MSI2: variants seen among roughly 807,000 people sequenced by gnomAD.
MSI2 encodes RNA-binding protein Musashi homolog 2.
MSI2 carries 17 observed loss-of-function variants against 45.6 expected under a neutral mutation model. That is an observed-to-expected ratio of 0.37 (90% CI 0.26 to 0.56). MSI2 has a LOEUF of 0.56. MSI2 is among the 20% of genes least tolerant of loss of function. The probability of loss-of-function intolerance (pLI) is 0.77; values close to 1 mark genes in which losing one functional copy is unlikely to be tolerated. For synonymous variants in MSI2, 156 were observed against 158.2 expected, an observed-to-expected ratio of 0.99 and a Z score of 0.11; for missense variants, 293 against 444.2, an observed-to-expected ratio of 0.66 and a Z score of 3.06.
rs1913279309 is a variant in MSI2 at position 57,677,016 on chromosome 17, T to C, written c.975T>C (p.Asn325=). 3 of 1,613,948 alleles carry C rather than the reference T, an allele frequency of 1.9e-6. No homozygotes were observed. The highest frequency in any genetic ancestry group is 2.5e-6 in the Non-Finnish European group (3 of 1,179,798). The stretch of plus-strand genomic sequence containing the variant: ...CTTTGATTGCAACGGCCTTTACAAA[T>C]GGATACCATTGAGCAGGTGCTTTCG... ...AGPLIATAFT[N]GYH Residue 325 remains asparagine, a synonymous_variant, in exon 13 of 14, where the codon AAT becomes AAC. Transcript: ENST00000284073.
At chr17:57,300,091 C>T (rs1422328472) in intron 5 of MSI2, among the ~76,000 whole-genome samples, 1 of 152,216 alleles carries the variant, frequency 6.6e-6, no homozygotes, top group Non-Finnish European at 1.5e-5. Context: ...ACATACCCTT[C>T]TGAAACTGGT....
At chr17:57,377,450 G>T (rs2083519267) in intron 5 of MSI2, among the ~76,000 whole-genome samples, 1 of 152,196 alleles carries the variant, frequency 6.6e-6, no homozygotes, top group South Asian at 2.1e-4. Flanking sequence ...GGAATTTGGG[G>T]CTCTGCCCAG....
At chr17:57,276,672 C>T (rs546170525) in intron 5 of MSI2, among the ~76,000 whole-genome samples, 9 of 152,316 alleles carry the variant, frequency 5.9e-5, no homozygotes, top group East Asian at 5.8e-4. Context: ...GGCGTGCTGC[C>T]GCTGCTGTTT....
intron 9 of MSI2, among the ~76,000 whole-genome samples, chr17:57,619,631 G>A (rs1026226267): frequency 6.6e-6 from 1 of 152,188 alleles, no homozygotes; most frequent in Non-Finnish European, 1.5e-5. Flanking sequence ...GCAGGCCCAG[G>A]GGCTCCAGGG....
chr17:57,605,471 GC>G (rs1187131573), intron 8 of MSI2, among the ~76,000 whole-genome samples: 1 of 152,222 alleles, frequency 6.6e-6, no homozygotes, highest in African/African-American at 2.4e-5. Context: ...AGCACCCAGT[GC>G]CTCTGGGCTT....
intron 6 of MSI2, among the ~76,000 whole-genome samples, chr17:57,492,340 A>C (rs982197775): frequency 6.6e-6 from 1 of 152,238 alleles, no homozygotes; most frequent in African/African-American, 2.4e-5. Flanking sequence ...TGGCATTACT[A>C]TATTGGTATG....
intron 7 of MSI2, among the ~76,000 whole-genome samples, chr17:57,579,014 C>T (rs1025364270): frequency 1.3e-5 from 2 of 152,066 alleles, no homozygotes; most frequent in Non-Finnish European, 2.9e-5. Context: ...GCTCAGATGC[C>T]TCATTGTGAG....
intron 6 of MSI2, among the ~76,000 whole-genome samples, chr17:57,420,683 A>G (rs1419198174): frequency 6.6e-6 from 1 of 152,314 alleles, no homozygotes; most frequent in East Asian, 1.9e-4. Flanking sequence ...GGCAAGCTCC[A>G]ACCACCCTCT....
At chr17:57,598,971 CT>C (rs1905552842) in intron 8 of MSI2, among the ~76,000 whole-genome samples, 1 of 152,168 alleles carries the variant, frequency 6.6e-6, no homozygotes, top group Non-Finnish European at 1.5e-5. Flanking sequence ...CCAGTACTAG[CT>C]ATTTTTAAAA....
chr17:57,615,866 G>A, intron 8 of MSI2, 104 bp from the exon 9 acceptor site: 1 of 851,068 alleles, frequency 1.2e-6, no homozygotes, highest in Non-Finnish European at 1.9e-6. Context: ...CAGTGGGTAA[G>A]GAGCAAGGCT....
intron 6 of MSI2, among the ~76,000 whole-genome samples, chr17:57,492,007 G>A (rs573761242): frequency 1.1e-4 from 16 of 152,266 alleles, no homozygotes; most frequent in Non-Finnish European, 1.8e-4. Flanking sequence ...AATCAGTTGC[G>A]ATTAAAGCTT....
intron 7 of MSI2, among the ~76,000 whole-genome samples, chr17:57,574,882 G>C (rs1801270834): frequency 6.8e-6 from 1 of 147,452 alleles, no homozygotes. Context: ...CCAGGCTGGA[G>C]TGCAGTGGCA....
intron 5 of MSI2, chr17:57,265,380 C>A (rs137985663): frequency 6.6e-6 from 1 of 152,080 alleles, no homozygotes; most frequent in Non-Finnish European, 1.5e-5. Flanking sequence ...TCCTTGCTAA[C>A]GCTCGCCAGA....
In MSI2 at chr17:57,280,419, G is replaced by C. The variant is rs1909316976; in HGVS notation, c.312+18227G>C. 1.3e-5 allele frequency among the ~76,000 whole-genome samples: 2 copies of C among 152,208 alleles called. No homozygotes were observed. On this transcript the variant is annotated intron_variant, in intron 5 of 13. Coordinates refer to ENST00000284073, the MANE Select transcript of MSI2 (RefSeq NM_138962.4). The surrounding 1 kb of genome is among the most constrained non-coding windows in gnomAD (Gnocchi z 4.2). ...AGGATGGCTGCTTAGCTGAGTTCTTGGAGGTAGTGATGGAGACCAGTGGAT... is the reference window on the plus strand; with the variant it reads ...AGGATGGCTGCTTAGCTGAGTTCTTCGAGGTAGTGATGGAGACCAGTGGAT...
chr17:57,666,445 T>G (rs1021530820), intron 11 of MSI2, among the ~76,000 whole-genome samples: 5 of 152,244 alleles, frequency 3.3e-5, no homozygotes, highest in Non-Finnish European at 7.3e-5. Context: ...GCCTCACACC[T>G]GCAGAAGCTA....
intron 6 of MSI2, among the ~76,000 whole-genome samples, chr17:57,505,101 A>C (rs1353322188): frequency 6.6e-6 from 1 of 151,840 alleles, no homozygotes; most frequent in Non-Finnish European, 1.5e-5. Flanking sequence ...AGTCTGGGGG[A>C]AGGTGTGTTT....
At chr17:57,555,538 C>A (rs1043134138) in intron 7 of MSI2, among the ~76,000 whole-genome samples, 13 of 152,260 alleles carry the variant, frequency 8.5e-5, no homozygotes, top group African/African-American at 3.1e-4. Context: ...ACATATTAAC[C>A]CCTACCCACC....
chr17:57,615,248 C>T (rs1907572511), intron 8 of MSI2, among the ~76,000 whole-genome samples: 1 of 151,878 alleles, frequency 6.6e-6, no homozygotes, highest in Non-Finnish European at 1.5e-5. Context: ...CTACCTCAGC[C>T]TCCCAGGTAG....
chr17:57,651,148 G>A (rs573802147), intron 10 of MSI2, among the ~76,000 whole-genome samples: 23 of 152,282 alleles, frequency 1.5e-4, no homozygotes, highest in African/African-American at 4.6e-4. Context: ...GAAGCCCAGG[G>A]TAGGGAACAT....
Sources: allele counts gnomAD v4.1 joint callset (sites outside exome capture counted in the v4.1 genomes callset), GRCh38; gene constraint gnomAD v4.1.1; non-coding constraint Gnocchi (gnomAD v3.1); transcripts MANE v1.5; gene names NCBI Gene and HGNC (gene_info 2026-07-23, HGNC 2026-07-21).